Variants in PTPRD observed in about 807,000 individuals in gnomAD.
PTPRD encodes protein tyrosine phosphatase receptor type D.
PTPRD carries 34 observed loss-of-function variants against 214.5 expected under a neutral mutation model. That is an observed-to-expected ratio of 0.16 (90% CI 0.12 to 0.21). The LOEUF is 0.21. Among genes scored for constraint, PTPRD ranks in the 10% least tolerant of loss-of-function variants. The probability of loss-of-function intolerance (pLI) is 1.00; values close to 1 mark genes in which losing one functional copy is unlikely to be tolerated. For synonymous variants in PTPRD, 1,128 were observed against 845.7 expected (o/e 1.33, Z -5.79); for missense variants, 2,545 against 2,398.7 (o/e 1.06, Z -1.27).
chr9:9,722,942 C>T (rs1158240947), intron 7 of PTPRD, among the ~76,000 whole-genome samples: 1 of 151,984 alleles, frequency 6.6e-6, no homozygotes, highest in African/African-American at 2.4e-5. Context: ...ATGCTAATGT[C>T]TTATTGGATA....
intron 27 of PTPRD, among the ~76,000 whole-genome samples, chr9:8,486,859 G>C (rs1450799640): frequency 6.6e-6 from 1 of 152,046 alleles, no homozygotes; most frequent in Non-Finnish European, 1.5e-5. Flanking sequence ...TCTATAATGA[G>C]AAAATGAGGC....
At position 8,339,045 on chromosome 9, in the gene PTPRD, C is replaced by T. The variant is rs758736817; in HGVS notation, c.5256G>A (p.Glu1752=). 6.2e-6 allele frequency: 10 copies of T among 1,610,652 alleles called. No homozygotes were observed. The Admixed American group carries it at 1.7e-4, about 27-fold the overall frequency. The change falls in exon 43 of 46, where the codon GAG becomes GAA. Residue 1752 remains glutamate (E), a splice_region_variant and synonymous_variant. Transcript: ENST00000381196. Reference sequence around the variant, plus strand: ...CTGCTGGCCAGTATTGGTGACATTTCTCCTAAAAGGAGAGAAGATTAATGT... The same window carrying T: ...CTGCTGGCCAGTATTGGTGACATTTTTCCTAAAAGGAGAGAAGATTAATGT... ...MLTKLREMGR[E]KCHQYWPAER...
chr9:10,489,836 C>T (rs1044674224), intron 2 of PTPRD, among the ~76,000 whole-genome samples: 8 of 152,096 alleles, frequency 5.3e-5, no homozygotes, highest in African/African-American at 1.9e-4. Context: ...CCCCAGCACA[C>T]AGAAACACTC....
At chr9:10,131,011 G>C (rs1446897948) in intron 3 of PTPRD, among the ~76,000 whole-genome samples, 1 of 152,092 alleles carries the variant, frequency 6.6e-6, no homozygotes, top group African/African-American at 2.4e-5. Flanking sequence ...TCAAATGCAA[G>C]ATAAAAGAAG....
intron 2 of PTPRD, among the ~76,000 whole-genome samples, chr9:10,512,202 A>C (rs1286581796): frequency 6.8e-6 from 1 of 146,544 alleles, no homozygotes; most frequent in African/African-American, 2.5e-5. Flanking sequence ...TTACCTTAAC[A>C]AAAAAAATCA....
intron 5 of PTPRD, among the ~76,000 whole-genome samples, chr9:9,920,056 C>G (rs2082123909): frequency 6.6e-6 from 1 of 152,062 alleles, no homozygotes; most frequent in Non-Finnish European, 1.5e-5. Context: ...CCATAAGCAG[C>G]AATGTTAGCA....
chr9:9,995,282 C>T (rs1160230939), intron 4 of PTPRD, among the ~76,000 whole-genome samples: 1 of 152,076 alleles, frequency 6.6e-6, no homozygotes, highest in Non-Finnish European at 1.5e-5. Context: ...CTAAGGTATT[C>T]TGTCTTCCCA....
At chr9:9,733,857 TAGTG>T (rs1458588855) in intron 7 of PTPRD, among the ~76,000 whole-genome samples, 1 of 152,122 alleles carries the variant, frequency 6.6e-6, no homozygotes, top group Non-Finnish European at 1.5e-5. Context: ...ATGAATGTGA[TAGTG>T]AGCAATATTT....
At chr9:9,756,515 A>C (rs750787000) in intron 6 of PTPRD, among the ~76,000 whole-genome samples, 2 of 152,160 alleles carry the variant, frequency 1.3e-5, no homozygotes, top group Non-Finnish European at 2.9e-5. Flanking sequence ...ACTGAGCCTC[A>C]AAGAGGGTAA....
chr9:10,429,240 T>C (rs2098654318), intron 2 of PTPRD, among the ~76,000 whole-genome samples: 1 of 151,886 alleles, frequency 6.6e-6, no homozygotes, highest in Non-Finnish European at 1.5e-5. Context: ...GGTAGGAATG[T>C]AAATTAGTAC....
chr9:10,054,123 A>G (rs745383859), intron 3 of PTPRD, among the ~76,000 whole-genome samples: 1 of 152,134 alleles, frequency 6.6e-6, no homozygotes, highest in African/African-American at 2.4e-5. Context: ...AAAACTTGTC[A>G]CCTGTCTACT....
At chr9:9,644,975 G>T (rs951174565) in intron 7 of PTPRD, among the ~76,000 whole-genome samples, 1 of 152,166 alleles carries the variant, frequency 6.6e-6, no homozygotes, top group African/African-American at 2.4e-5. Context: ...CAAGAACCTG[G>T]TTACCAAGAG....
chr9:9,250,022 T>A (rs1373943899), intron 9 of PTPRD, among the ~76,000 whole-genome samples: 1 of 152,114 alleles, frequency 6.6e-6, no homozygotes, highest in Non-Finnish European at 1.5e-5. Context: ...ACTGTTTGAA[T>A]AACTACAGTT....
chr9:10,436,354 T>G (rs1448755675), intron 2 of PTPRD, among the ~76,000 whole-genome samples: 2 of 151,760 alleles, frequency 1.3e-5, no homozygotes, highest in Admixed American at 6.6e-5. Context: ...ATGCTCTATT[T>G]GCTTCTCCCA....
intron 31 of PTPRD, among the ~76,000 whole-genome samples, chr9:8,469,501 A>G (rs2096611414): frequency 6.6e-6 from 1 of 152,086 alleles, no homozygotes; most frequent in African/African-American, 2.4e-5. Context: ...AGAACCAATT[A>G]AAATAGTAAA....
chr9:10,062,049 A>C (rs771866397), intron 3 of PTPRD, among the ~76,000 whole-genome samples: 1 of 152,070 alleles, frequency 6.6e-6, no homozygotes, highest in African/African-American at 2.4e-5. Flanking sequence ...GATACTGTTA[A>C]AAGATTGAAT....
intron 10 of PTPRD, among the ~76,000 whole-genome samples, chr9:9,069,849 G>A (rs528579519): frequency 2.2e-4 from 34 of 152,144 alleles, no homozygotes; most frequent in Non-Finnish European, 4.3e-4. Context: ...CACTAAAGCA[G>A]TGCCAGATTG....
At chr9:10,125,740 C>T (rs892277198) in intron 3 of PTPRD, among the ~76,000 whole-genome samples, 2 of 151,740 alleles carry the variant, frequency 1.3e-5, no homozygotes, top group African/African-American at 2.4e-5. Context: ...CCTCAGCCTC[C>T]CAAAGTGCTG....
At chr9:8,469,194 G>A (rs540508503) in intron 31 of PTPRD, among the ~76,000 whole-genome samples, 18 of 152,086 alleles carry the variant, frequency 1.2e-4, no homozygotes, top group Admixed American at 6.6e-5. Flanking sequence ...GAATTTAATT[G>A]CAAGAAAGTT....
Sources: allele counts gnomAD v4.1 joint callset (sites outside exome capture counted in the v4.1 genomes callset), GRCh38; gene constraint gnomAD v4.1.1; transcripts MANE v1.5; gene names NCBI Gene and HGNC (gene_info 2026-07-23, HGNC 2026-07-21).